The following SLC25A13 variants were observed in gnomAD, a reference collection of about 807,000 sequenced individuals.
The protein encoded by SLC25A13 is solute carrier family 25 member 13.
A neutral mutation model predicts 85.5 loss-of-function variants in SLC25A13; 70 were observed. The observed-to-expected ratio is 0.82, with a 90% CI of 0.68 to 1.00. The LOEUF is 1.00. Among genes scored for constraint, SLC25A13 ranks in the 50% least tolerant of loss-of-function variants. The probability of loss-of-function intolerance (pLI) is 0.00; values close to 1 mark genes in which losing one functional copy is unlikely to be tolerated. For synonymous variants in SLC25A13, 259 were observed against 288.7 expected (o/e 0.90, Z 1.04); for missense variants, 765 against 819.8 (o/e 0.93, Z 0.82).
intron 3 of SLC25A13, among the ~76,000 whole-genome samples, chr7:96,257,868 T>A (rs1444358902): frequency 2.0e-5 from 3 of 152,204 alleles, no homozygotes; most frequent in African/African-American, 7.2e-5. Context: ...TTATCTACTA[T>A]AATCAAGTCG....
chr7:96,287,420 C>A (rs1470861966), intron 2 of SLC25A13, among the ~76,000 whole-genome samples: 1 of 152,112 alleles, frequency 6.6e-6, no homozygotes. Flanking sequence ...AGAGTACTTC[C>A]CCATTTATAC....
chr7:96,321,512 G>T (rs1225905013), intron 1 of SLC25A13, among the ~76,000 whole-genome samples: 3 of 152,062 alleles, frequency 2.0e-5, no homozygotes, highest in African/African-American at 4.8e-5. Context: ...TCAGGCTTCA[G>T]CCCGGGCTCT....
chr7:96,234,621 T>G (rs968446693), intron 4 of SLC25A13, among the ~76,000 whole-genome samples, 181 bp downstream of exon 4: 1 of 152,198 alleles, frequency 6.6e-6, no homozygotes, highest in Non-Finnish European at 1.5e-5. Context: ...AAACTTGTTT[T>G]TTTCGAATAG....
chr7:96,202,748 C>A (rs1369309767), intron 5 of SLC25A13, among the ~76,000 whole-genome samples: 3 of 152,184 alleles, frequency 2.0e-5, no homozygotes, highest in African/African-American at 7.2e-5. Context: ...CACCAACACA[C>A]GTGAACAGCT....
At chr7:96,190,985 G>T (rs1316636327) in intron 7 of SLC25A13, 124 bp downstream of exon 7, 6 of 1,180,024 alleles carry the variant, frequency 5.1e-6, no homozygotes, top group East Asian at 2.4e-5. Flanking sequence ...AAAAACACAC[G>T]TTATCATATA....
At chr7:96,307,009 G>T in intron 1 of SLC25A13, 1 of 802,324 alleles carries the variant, frequency 1.2e-6, no homozygotes. Context: ...GTCTGCGGTG[G>T]GTCCCTTTTG....
chr7:96,209,783 C>T (rs1795619521), intron 4 of SLC25A13, among the ~76,000 whole-genome samples: 1 of 152,140 alleles, frequency 6.6e-6, no homozygotes, highest in South Asian at 2.1e-4. Context: ...TCTAAAGCTT[C>T]TATTTTTATT....
At chr7:96,249,461 TA>T (rs1246154892) in intron 3 of SLC25A13, among the ~76,000 whole-genome samples, 1 of 152,220 alleles carries the variant, frequency 6.6e-6, no homozygotes, top group African/African-American at 2.4e-5. Context: ...CAAAGGAGTT[TA>T]TTATGACTGT....
intron 1 of SLC25A13, among the ~76,000 whole-genome samples, chr7:96,303,403 G>A (rs1799625770): frequency 6.6e-6 from 1 of 152,104 alleles, no homozygotes; most frequent in South Asian, 2.1e-4. Flanking sequence ...GAAACGGAGA[G>A]AGAAGGAGAA....
At chr7:96,219,367 T>C (rs1452713028) in intron 4 of SLC25A13, among the ~76,000 whole-genome samples, 3 of 152,138 alleles carry the variant, frequency 2.0e-5, no homozygotes, top group Non-Finnish European at 4.4e-5. Context: ...ATATGTGGTA[T>C]TGGTGTATGT....
intron 4 of SLC25A13, among the ~76,000 whole-genome samples, chr7:96,211,099 A>C (rs190001535): frequency 6.6e-6 from 1 of 152,322 alleles, no homozygotes; most frequent in Non-Finnish European, 1.5e-5. Flanking sequence ...TATACATGAA[A>C]GTAGGTTTAA....
At chr7:96,143,148 T>C (rs942216387) in intron 14 of SLC25A13, among the ~76,000 whole-genome samples, 12 of 152,236 alleles carry the variant, frequency 7.9e-5, no homozygotes, top group Admixed American at 6.5e-4. Flanking sequence ...AAAAGAGACA[T>C]GGACAGTTCC....
At chr7:96,149,000 T>C (rs765327886) in intron 13 of SLC25A13, among the ~76,000 whole-genome samples, 1 of 152,224 alleles carries the variant, frequency 6.6e-6, no homozygotes, top group African/African-American at 2.4e-5. Flanking sequence ...CATAGATGCA[T>C]GTTACAATCA....
intron 13 of SLC25A13, among the ~76,000 whole-genome samples, chr7:96,161,721 C>T (rs2116541619): frequency 6.6e-6 from 1 of 152,308 alleles, no homozygotes; most frequent in African/African-American, 2.4e-5. Flanking sequence ...ATACCAGACA[C>T]AGTCTCCAAC....
Position 96,120,874 on chromosome 7 carries a change from T to C in SLC25A13, c.*317A>G, listed in dbSNP as rs1306145199. On this transcript the variant is annotated 3_prime_UTR_variant, in exon 18 of 18. Coordinates refer to ENST00000265631, the MANE Select transcript of SLC25A13 (RefSeq NM_014251.3). ...GCCTCTTTGGGACTACAATCCTAGT[T>C]CAAGGAGGGGAGTACTAATTTCTAT... 1 of 493,118 alleles carries C rather than the reference T, an allele frequency of 2.0e-6. No homozygotes were observed. Among genetic ancestry groups the C allele is most frequent in the East Asian group, 5.8e-5 (1 of 17,360 alleles). 30.5% of individuals were successfully genotyped at this position (493,118 alleles called of 1,614,324 possible). A position where few individuals can be genotyped will look rare whatever the true frequency, so the allele number is the denominator to read the frequency against.
chr7:96,321,468 C>A (rs982505069), intron 1 of SLC25A13, among the ~76,000 whole-genome samples: 1 of 152,202 alleles, frequency 6.6e-6, no homozygotes, highest in Non-Finnish European at 1.5e-5. Flanking sequence ...CTTCCCCACC[C>A]GCGGGAGGGC....
chr7:96,185,052 T>C (rs1794578440), intron 9 of SLC25A13, 41 bp from the exon 10 acceptor site: 1 of 1,543,540 alleles, frequency 6.5e-7, no homozygotes, highest in Non-Finnish European at 8.9e-7. Context: ...GGAAAACAGG[T>C]GACAGAAAAG....
chr7:96,305,980 G>A (rs752863690), intron 1 of SLC25A13, among the ~76,000 whole-genome samples: 1 of 152,164 alleles, frequency 6.6e-6, no homozygotes, highest in Non-Finnish European at 1.5e-5. Context: ...AGCCCTCCTG[G>A]GCCCTATTCC....
intron 14 of SLC25A13, among the ~76,000 whole-genome samples, chr7:96,139,873 T>C (rs931555909): frequency 1.3e-5 from 2 of 152,146 alleles, no homozygotes; most frequent in African/African-American, 4.8e-5. Flanking sequence ...TTGGGTTATT[T>C]CATAGCTTGT....
Sources: allele counts gnomAD v4.1 joint callset (sites outside exome capture counted in the v4.1 genomes callset), GRCh38; gene constraint gnomAD v4.1.1; transcripts MANE v1.5; gene names NCBI Gene and HGNC (gene_info 2026-07-23, HGNC 2026-07-21).